Variants in SUGCT observed in about 807,000 individuals in gnomAD.
The protein encoded by SUGCT is succinyl-CoA:glutarate CoA-transferase.
In SUGCT, 41 loss-of-function variants were observed where a neutral mutation model predicts 55.0. The ratio of observed to expected loss-of-function variants is 0.74; its 90% CI spans 0.58 to 0.97. The LOEUF (loss-of-function observed/expected upper bound fraction) is 0.97, where lower values mean the gene tolerates loss of function less well. Ranked by LOEUF, SUGCT falls within the 50% of genes least tolerant of loss-of-function variation. The pLI, the probability that SUGCT is intolerant of heterozygous loss-of-function variation, is 0.00. For synonymous variants in SUGCT, 187 were observed against 200.4 expected, an observed-to-expected ratio of 0.93 and a Z score of 0.56; for missense variants, 568 against 547.8, an observed-to-expected ratio of 1.04 and a Z score of -0.37.
intron 12 of SUGCT, among the ~76,000 whole-genome samples, chr7:40,627,795 A>G (rs1388155535): frequency 6.6e-6 from 1 of 152,100 alleles, no homozygotes; most frequent in Non-Finnish European, 1.5e-5. Context: ...AAACAGCCTT[A>G]GGTTCCCTGC....
At chr7:40,688,332 A>T (rs917354704) in intron 12 of SUGCT, among the ~76,000 whole-genome samples, 1 of 152,210 alleles carries the variant, frequency 6.6e-6, no homozygotes, top group Admixed American at 6.5e-5. Context: ...ATGTTTCATG[A>T]TAGGAATTTT....
intron 7 of SUGCT, among the ~76,000 whole-genome samples, chr7:40,258,161 C>T (rs182718177): frequency 2.0e-5 from 3 of 152,312 alleles, no homozygotes; most frequent in Admixed American, 6.5e-5. Context: ...TTTCTCTCCT[C>T]TGCCATGTAA....
intron 9 of SUGCT, among the ~76,000 whole-genome samples, chr7:40,321,131 T>TA (rs79217673): frequency 1.1e-5 from 1 of 91,490 alleles, no homozygotes; most frequent in Non-Finnish European, 2.6e-5. Context: ...GGCTGGAGTG[T>TA]ATGGTGCGAT....
chr7:40,549,774 G>A (rs1795204722), intron 12 of SUGCT, among the ~76,000 whole-genome samples: 1 of 152,142 alleles, frequency 6.6e-6, no homozygotes, highest in African/African-American at 2.4e-5. Flanking sequence ...ATACATAAAT[G>A]TTTCTGAGTT....
chr7:40,496,774 A>G (rs1230628969), intron 12 of SUGCT, among the ~76,000 whole-genome samples: 3 of 152,288 alleles, frequency 2.0e-5, no homozygotes, highest in Non-Finnish European at 4.4e-5. Context: ...CTCTGATCAT[A>G]TGATTATACC....
chr7:41,015,930 T>TGC, the SUGCT span, among the ~76,000 whole-genome samples: 2 of 151,634 alleles, frequency 1.3e-5, no homozygotes, highest in Non-Finnish European at 2.9e-5. Flanking sequence ...GTGAGGGGTG[T>TGC]GCTGGGAAGG....
chr7:40,530,453 C>A (rs1794024037), intron 12 of SUGCT, among the ~76,000 whole-genome samples: 3 of 152,188 alleles, frequency 2.0e-5, no homozygotes, highest in Admixed American at 6.5e-5. Context: ...AGTGACCACA[C>A]TGAAACTTGA....
intron 9 of SUGCT, among the ~76,000 whole-genome samples, chr7:40,364,320 A>G (rs1282844143): frequency 6.6e-6 from 1 of 151,554 alleles, no homozygotes; most frequent in African/African-American, 2.4e-5. Flanking sequence ...TTACATTTAA[A>G]GTTAATATTG....
chr7:40,756,638 C>G lies in SUGCT; in HGVS notation c.1153+7141C>G, dbSNP rs528627698. On this transcript the variant is annotated intron_variant, in intron 13 of 13. Coordinates refer to ENST00000335693, the MANE Select transcript of SUGCT (RefSeq NM_001193313.2). Reference sequence around the variant, plus strand: ...GTGGGGAAAGCTGTCACAAATCTCACTGGGGAAAAAGAAAAATTAAGAGGA... The same window carrying G: ...GTGGGGAAAGCTGTCACAAATCTCAGTGGGGAAAAAGAAAAATTAAGAGGA... 1.5e-3 allele frequency among the ~76,000 whole-genome samples: 232 copies of G among 152,216 alleles called. 2 individuals carry two copies. The highest frequency in any genetic ancestry group is 5.3e-3 in the African/African-American group (220 of 41,534).
chr7:40,502,833 C>G (rs1034893115), intron 12 of SUGCT, among the ~76,000 whole-genome samples: 1 of 152,052 alleles, frequency 6.6e-6, no homozygotes, highest in East Asian at 1.9e-4. Context: ...CATTTGTTAG[C>G]CTCCAACTAA....
the SUGCT span, among the ~76,000 whole-genome samples, chr7:41,001,433 A>G: frequency 6.6e-6 from 1 of 152,208 alleles, no homozygotes; most frequent in African/African-American, 2.4e-5. Flanking sequence ...GGGAAGAATA[A>G]GAAAGAGTCT....
rs1562681042 is a variant in SUGCT at position 40,324,244 on chromosome 7, A to ATATATATATATATATAT, written c.816+7389_816+7390insTATATATATATATATAT. Among the ~76,000 whole-genome samples the ATATATATATATATATAT allele has an allele frequency of 6.8e-4, 67 of 98,406 alleles. 2 individuals are homozygous for ATATATATATATATATAT. Among genetic ancestry groups the ATATATATATATATATAT allele is most frequent in the African/African-American group, 2.7e-3 (61 of 22,878 alleles). The allele number at this position is 98,406 out of a possible 152,430, so 64.6% of individuals were successfully genotyped here. A position where few individuals can be genotyped will look rare whatever the true frequency, so the allele number is the denominator to read the frequency against. The stretch of plus-strand genomic sequence containing the variant: ...AGATGATCATATATATAAATAAATA[A>ATATATATATATATATAT]ATAAATAAATATATATATATTTATT... On this transcript the variant is annotated intron_variant, in intron 9 of 13. Coordinates refer to ENST00000335693, the MANE Select transcript of SUGCT (RefSeq NM_001193313.2).
intron 10 of SUGCT, among the ~76,000 whole-genome samples, chr7:40,454,878 G>C (rs998108057): frequency 2.6e-4 from 39 of 152,250 alleles, no homozygotes; most frequent in Middle Eastern, 3.4e-3. Context: ...TTCATTTACA[G>C]AAGGTAAATG....
chr7:40,231,581 A>G (rs1038182089), intron 6 of SUGCT, among the ~76,000 whole-genome samples: 1 of 152,180 alleles, frequency 6.6e-6, no homozygotes, highest in African/African-American at 2.4e-5. Context: ...TAGGTTGTGC[A>G]AAGGCCCCAC....
At chr7:40,635,976 A>G (rs543860068) in intron 12 of SUGCT, among the ~76,000 whole-genome samples, 2 of 152,262 alleles carry the variant, frequency 1.3e-5, no homozygotes, top group African/African-American at 4.8e-5. Flanking sequence ...GGCTTGATCT[A>G]TTCTATGGGA....
chr7:40,377,183 TTTCTTTCTTTC>T lies in SUGCT; in HGVS notation c.816+60331_816+60341del, dbSNP rs1784610889. On this transcript the variant is annotated intron_variant, in intron 9 of 13. Transcript: ENST00000335693. Reference sequence around the variant, plus strand: ...CTTTCTTTCTTTCTTTCTTTCTTTCTTTCTTTCTTTCTTTCTTTTCTTTTCTTTTCTTTCTT... The same window carrying T: ...CTTTCTTTCTTTCTTTCTTTCTTTCTTTTCTTTTCTTTTCTTTTCTTTCTT... Among the ~76,000 whole-genome samples, 11 of 16,258 alleles carry T rather than the reference TTTCTTTCTTTC, an allele frequency of 6.8e-4. 3 individuals are homozygous for T. In the East Asian group the frequency reaches 9.2e-3, roughly 14 times the overall value. The allele number at this position is 16,258 out of a possible 152,430, so 10.7% of individuals were successfully genotyped here.
intron 12 of SUGCT, among the ~76,000 whole-genome samples, chr7:40,618,636 A>G (rs765172087): frequency 6.6e-5 from 10 of 152,176 alleles, no homozygotes; most frequent in Non-Finnish European, 1.2e-4. Flanking sequence ...GTCAGAAGTA[A>G]TTTTTGGAGT....
intron 12 of SUGCT, among the ~76,000 whole-genome samples, chr7:40,603,359 A>G (rs1269139618): frequency 6.6e-6 from 1 of 152,216 alleles, no homozygotes; most frequent in Non-Finnish European, 1.5e-5. Context: ...CCAATAAAAA[A>G]GAAGTGATTT....
At position 40,358,717 on chromosome 7, in the gene SUGCT, AAAC is replaced by A. The variant is rs71560193; in HGVS notation, c.816+41874_816+41876del. Among the ~76,000 whole-genome samples the A allele has an allele frequency of 2.7e-5, 4 of 150,774 alleles. No individual in the cohort carries two copies. The East Asian group carries it at 7.8e-4, about 30-fold the overall frequency. Reference sequence around the variant, plus strand: ...CAACAAGAGCAAAACTCCATCTCAAAAACAACAACAACAATAACAACAACAACA... The same window carrying A: ...CAACAAGAGCAAAACTCCATCTCAAAAACAACAACAATAACAACAACAACA... On this transcript the variant is annotated intron_variant, in intron 9 of 13. Transcript: ENST00000335693.
Sources: gnomAD v4.1 joint callset for allele counts (sites outside exome capture counted in the v4.1 genomes callset) on GRCh38, gnomAD v4.1.1 for gene constraint, MANE v1.5 for transcripts, NCBI Gene and HGNC (gene_info 2026-07-23, HGNC 2026-07-21) for gene names.